NUDCD3: variants seen among roughly 807,000 people sequenced by gnomAD.
NUDCD3 encodes the protein NudC domain containing 3.
In NUDCD3, 13 loss-of-function variants were observed where a neutral mutation model predicts 39.7. The ratio of observed to expected loss-of-function variants is 0.33; its 90% CI spans 0.21 to 0.52. The LOEUF (loss-of-function observed/expected upper bound fraction) is 0.52, where lower values mean the gene tolerates loss of function less well. Ranked by LOEUF, NUDCD3 falls within the 20% of genes least tolerant of loss-of-function variation. NUDCD3 has a pLI of 0.96. For synonymous variants in NUDCD3, 175 were observed against 172.4 expected, an observed-to-expected ratio of 1.02 and a Z score of -0.12; for missense variants, 453 against 458.1, an observed-to-expected ratio of 0.99 and a Z score of 0.10.
chr7:44,447,118 G>C (rs1461291702), intron 2 of NUDCD3, among the ~76,000 whole-genome samples: 1 of 152,186 alleles, frequency 6.6e-6, no homozygotes, highest in Non-Finnish European at 1.5e-5. Flanking sequence ...ATTCCCTAGG[G>C]GCAGGCCTGG....
chr7:44,487,480 G>A (rs1233862712), intron 1 of NUDCD3, among the ~76,000 whole-genome samples: 1 of 150,526 alleles, frequency 6.6e-6, no homozygotes. Flanking sequence ...AAAACCCTAA[G>A]AGGCAGATGA....
intron 4 of NUDCD3, among the ~76,000 whole-genome samples, chr7:44,398,777 G>T (rs913084492): frequency 6.6e-6 from 1 of 152,154 alleles, no homozygotes; most frequent in African/African-American, 2.4e-5. Flanking sequence ...GTTGTGGGAC[G>T]TTCCTTCCGG....
chr7:44,384,482 G>A lies in NUDCD3; in HGVS notation c.*1529C>T, dbSNP rs1711785926. On this transcript the variant is annotated 3_prime_UTR_variant, in exon 6 of 6. Transcript: ENST00000355451. ...GCCTTTTGCTCTCCTGTGATGATCGGAGCAACATGTTTGGACCCACAGAAG... is the reference window on the plus strand; with the variant it reads ...GCCTTTTGCTCTCCTGTGATGATCGAAGCAACATGTTTGGACCCACAGAAG... The A allele has an allele frequency of 6.6e-6, 1 of 152,142 alleles. No individual in the cohort carries two copies. The highest frequency in any genetic ancestry group is 2.4e-5 in the African/African-American group (1 of 41,384). The allele number at this position is 152,142 out of a possible 1,614,324, so 9.4% of individuals were successfully genotyped here. A position where few individuals can be genotyped will look rare whatever the true frequency, so the allele number is the denominator to read the frequency against.
At chr7:44,456,225 A>G (rs552128154) in intron 2 of NUDCD3, among the ~76,000 whole-genome samples, 1 of 152,072 alleles carries the variant, frequency 6.6e-6, no homozygotes, top group Non-Finnish European at 1.5e-5. Context: ...CACAGGATAT[A>G]GGAAAAAAAA....
intron 1 of NUDCD3, among the ~76,000 whole-genome samples, chr7:44,489,027 A>T (rs899793549): frequency 2.0e-5 from 3 of 152,216 alleles, no homozygotes; most frequent in Non-Finnish European, 4.4e-5. Flanking sequence ...TCTAGACAAA[A>T]GTGTTCTCAT....
chr7:44,465,261 C>A (rs1800096041), intron 2 of NUDCD3, among the ~76,000 whole-genome samples: 1 of 152,188 alleles, frequency 6.6e-6, no homozygotes, highest in African/African-American at 2.4e-5. Flanking sequence ...TCACATCATT[C>A]TCCCGTAATT....
intron 3 of NUDCD3, among the ~76,000 whole-genome samples, chr7:44,418,949 C>G (rs112862734): frequency 6.6e-6 from 1 of 152,200 alleles, no homozygotes; most frequent in African/African-American, 2.4e-5. Context: ...CCTACACCAC[C>G]AGGGCCCTGG....
rs1426387854 is a variant in NUDCD3 at position 44,392,503 on chromosome 7, A to ATT, written c.787-19_787-18insAA. 6.2e-7 allele frequency: 1 copy of ATT among 1,611,126 alleles called. No homozygotes were observed. Among genetic ancestry groups the ATT allele is most frequent in the Non-Finnish European group, 8.5e-7 (1 of 1,178,076 alleles). On this transcript the variant is annotated intron_variant, in intron 4 of 5. Coordinates refer to ENST00000355451, the MANE Select transcript of NUDCD3 (RefSeq NM_015332.4). Reference sequence around the variant, plus strand: ...AGGTTCACCTGGGGACAAGCAGGACAGAGACCTGAGTCAGAGACCTGAGAC... The same window carrying ATT: ...AGGTTCACCTGGGGACAAGCAGGACATTGAGACCTGAGTCAGAGACCTGAGAC...
chr7:44,476,110 T>A (rs1800363545), intron 2 of NUDCD3, among the ~76,000 whole-genome samples: 1 of 152,070 alleles, frequency 6.6e-6, no homozygotes, highest in South Asian at 2.1e-4. Flanking sequence ...TCTCCTGCAA[T>A]GGGCACCTGA....
At chr7:44,453,880 C>T (rs2116938510) in intron 2 of NUDCD3, among the ~76,000 whole-genome samples, 1 of 151,916 alleles carries the variant, frequency 6.6e-6, no homozygotes, top group African/African-American at 2.4e-5. Flanking sequence ...CCCATCTCGA[C>T]AAAAATAAAA....
chr7:44,476,725 T>C (rs989222641), intron 2 of NUDCD3, among the ~76,000 whole-genome samples: 10 of 152,150 alleles, frequency 6.6e-5, no homozygotes, highest in Non-Finnish European at 1.3e-4. Context: ...GGGGGGGTCA[T>C]CTCACACAGC....
intron 3 of NUDCD3, among the ~76,000 whole-genome samples, chr7:44,415,629 G>C (rs983256978): frequency 6.6e-6 from 1 of 152,156 alleles, no homozygotes; most frequent in Non-Finnish European, 1.5e-5. Flanking sequence ...CCATTCTACA[G>C]AAAAGGGATC....
chr7:44,447,241 A>T (rs1799705255), intron 2 of NUDCD3, among the ~76,000 whole-genome samples: 1 of 152,248 alleles, frequency 6.6e-6, no homozygotes, highest in Admixed American at 6.5e-5. Flanking sequence ...CAAAACCAAA[A>T]GTCTCCAGAG....
At chr7:44,434,263 CA>C (rs906210297) in intron 2 of NUDCD3, among the ~76,000 whole-genome samples, 1 of 152,142 alleles carries the variant, frequency 6.6e-6, no homozygotes, top group African/African-American at 2.4e-5. Context: ...AGGTCTGCCC[CA>C]ACGCCAGCAA....
intron 2 of NUDCD3, among the ~76,000 whole-genome samples, chr7:44,476,549 C>T (rs978010145): frequency 7.9e-5 from 12 of 152,296 alleles, no homozygotes; most frequent in Middle Eastern, 3.4e-3. Flanking sequence ...ACTGAACCTG[C>T]TGGCACCTTG....
At chr7:44,450,469 C>T (rs1040441808) in intron 2 of NUDCD3, among the ~76,000 whole-genome samples, 8 of 151,932 alleles carry the variant, frequency 5.3e-5, no homozygotes, top group Non-Finnish European at 8.8e-5. Flanking sequence ...TGAGCCACTG[C>T]GCCCGGCCAA....
At chr7:44,451,360 TAC>T (rs1799791091) in intron 2 of NUDCD3, among the ~76,000 whole-genome samples, 1 of 152,174 alleles carries the variant, frequency 6.6e-6, no homozygotes, top group Non-Finnish European at 1.5e-5. Context: ...GTTTCATGGG[TAC>T]AGAGTTTCAG....
chr7:44,427,793 G>A, intron 2 of NUDCD3, 90 bp from the exon 3 acceptor site: 2 of 1,382,392 alleles, frequency 1.4e-6, no homozygotes, highest in African/African-American at 1.4e-5. Flanking sequence ...CCTACATCCT[G>A]GAGACGTGAC....
At chr7:44,474,514 T>C (rs1384491571) in intron 2 of NUDCD3, among the ~76,000 whole-genome samples, 1 of 152,172 alleles carries the variant, frequency 6.6e-6, no homozygotes, top group Non-Finnish European at 1.5e-5. Context: ...AATACACATT[T>C]TTCCAGGGGA....
Sources: allele counts gnomAD v4.1 joint callset (sites outside exome capture counted in the v4.1 genomes callset), GRCh38; gene constraint gnomAD v4.1.1; transcripts MANE v1.5; gene names NCBI Gene and HGNC (gene_info 2026-07-23, HGNC 2026-07-21).